Variants in MARCHF11 observed in about 807,000 individuals in gnomAD.
MARCHF11 encodes the protein membrane associated ring-CH-type finger 11.
Under a neutral mutation model 37.3 loss-of-function variants are expected in MARCHF11, and 29 were observed. The ratio of observed to expected loss-of-function variants is 0.78; its 90% CI spans 0.58 to 1.06. The LOEUF is 1.06. Among genes scored for constraint, MARCHF11 ranks in the 50% least tolerant of loss-of-function variants. The probability of loss-of-function intolerance (pLI) is 0.00; values close to 1 mark genes in which losing one functional copy is unlikely to be tolerated. For missense variants in MARCHF11, 482 were observed against 533.4 expected, an observed-to-expected ratio of 0.90 and a Z score of 0.95; for synonymous variants, 233 against 228.0, an observed-to-expected ratio of 1.02 and a Z score of -0.20.
At chr5:16,144,220 G>C (rs1385664090) in intron 2 of MARCHF11, among the ~76,000 whole-genome samples, 1 of 152,176 alleles carries the variant, frequency 6.6e-6, no homozygotes, top group East Asian at 1.9e-4. Flanking sequence ...TTATTTCTCA[G>C]AGAAACTCAG....
intron 3 of MARCHF11, among the ~76,000 whole-genome samples, chr5:16,076,830 G>A (rs370994908): frequency 8.5e-5 from 13 of 152,152 alleles, no homozygotes; most frequent in African/African-American, 2.9e-4. Context: ...CTCAGACATC[G>A]GGAGCCATCC....
At chr5:16,152,242 T>C (rs1737901574) in intron 2 of MARCHF11, among the ~76,000 whole-genome samples, 1 of 151,970 alleles carries the variant, frequency 6.6e-6, no homozygotes, top group South Asian at 2.1e-4. Flanking sequence ...AACCAGACAG[T>C]TTCTACCTGC....
At chr5:16,133,406 G>C (rs1465411575) in intron 2 of MARCHF11, among the ~76,000 whole-genome samples, 1 of 152,106 alleles carries the variant, frequency 6.6e-6, no homozygotes, top group Non-Finnish European at 1.5e-5. Context: ...AAATGCAAGA[G>C]ATCTCAGCTA....
intron 2 of MARCHF11, among the ~76,000 whole-genome samples, chr5:16,111,176 C>T (rs529879699): frequency 6.6e-6 from 1 of 152,218 alleles, no homozygotes; most frequent in African/African-American, 2.4e-5. Context: ...GAGTGGGGTG[C>T]TGCTGTAAAG....
chr5:16,086,563 T>C (rs1361196762), intron 3 of MARCHF11, among the ~76,000 whole-genome samples: 2 of 152,170 alleles, frequency 1.3e-5, no homozygotes, highest in Admixed American at 1.3e-4. Context: ...TAACTTGCGG[T>C]GTTGATTAGA....
intron 3 of MARCHF11, among the ~76,000 whole-genome samples, chr5:16,080,393 C>T (rs1736587455): frequency 6.6e-6 from 1 of 152,158 alleles, no homozygotes; most frequent in African/African-American, 2.4e-5. Context: ...ACTGCTGCTC[C>T]TCTCACCAAA....
chr5:16,139,431 T>C (rs1035279453), intron 2 of MARCHF11, among the ~76,000 whole-genome samples: 2 of 152,178 alleles, frequency 1.3e-5, no homozygotes, highest in Non-Finnish European at 2.9e-5. Flanking sequence ...TCTTTATAAA[T>C]TACCCAGTCT....
intron 2 of MARCHF11, among the ~76,000 whole-genome samples, chr5:16,172,772 A>G (rs1738292002): frequency 6.6e-6 from 1 of 152,186 alleles, no homozygotes; most frequent in African/African-American, 2.4e-5. Flanking sequence ...CCCATTTAGA[A>G]AAGTAATGAC....
intron 2 of MARCHF11, among the ~76,000 whole-genome samples, chr5:16,139,781 T>G (rs758884426): frequency 4.6e-5 from 7 of 152,098 alleles, no homozygotes; most frequent in Non-Finnish European, 1.0e-4. Context: ...ATCTCTTTCC[T>G]GACAAAGAAT....
intron 2 of MARCHF11, chr5:16,129,042 AC>A (rs1455072286): frequency 2.0e-5 from 3 of 152,152 alleles, no homozygotes; most frequent in Non-Finnish European, 4.4e-5. Context: ...AGTCCCACTA[AC>A]CCTTGATTAG....
chr5:16,133,194 G>C (rs1445642991), intron 2 of MARCHF11, among the ~76,000 whole-genome samples: 1 of 152,056 alleles, frequency 6.6e-6, no homozygotes, highest in Admixed American at 6.6e-5. Context: ...CTAAGAAGTA[G>C]AGTGTATTTC....
At chr5:16,137,644 A>G (rs917219681) in intron 2 of MARCHF11, among the ~76,000 whole-genome samples, 4 of 152,248 alleles carry the variant, frequency 2.6e-5, no homozygotes, top group Non-Finnish European at 1.5e-5. Context: ...AGGGCTCAGA[A>G]GAAGACGGGA....
chr5:16,161,644 A>C (rs1000532714), intron 2 of MARCHF11, among the ~76,000 whole-genome samples: 2 of 151,972 alleles, frequency 1.3e-5, no homozygotes, highest in African/African-American at 4.8e-5. Flanking sequence ...CCAGCATCTT[A>C]CCACACTGAT....
chr5:16,131,347 T>C (rs577000293), intron 2 of MARCHF11, among the ~76,000 whole-genome samples: 2 of 152,354 alleles, frequency 1.3e-5, no homozygotes, highest in Admixed American at 1.3e-4. Context: ...ACTAGTTTGT[T>C]ATCTGTAATT....
intron 2 of MARCHF11, among the ~76,000 whole-genome samples, chr5:16,145,184 C>A (rs1737778565): frequency 6.6e-6 from 1 of 152,160 alleles, no homozygotes; most frequent in Non-Finnish European, 1.5e-5. Flanking sequence ...GTGGAGAAAT[C>A]TGCCAAACAC....
At chr5:16,074,790 C>T (rs1039652685) in intron 3 of MARCHF11, among the ~76,000 whole-genome samples, 8 of 152,150 alleles carry the variant, frequency 5.3e-5, no homozygotes, top group Non-Finnish European at 1.2e-4. Context: ...TGATCCAACC[C>T]ACCCCCAAGT....
intron 3 of MARCHF11, among the ~76,000 whole-genome samples, chr5:16,084,326 A>T (rs1346911577): frequency 2.0e-5 from 3 of 152,208 alleles, no homozygotes; most frequent in African/African-American, 7.2e-5. Flanking sequence ...CAGATTTTTT[A>T]AAAGGCTATA....
chr5:16,100,259 G>A (rs187145871), intron 2 of MARCHF11, among the ~76,000 whole-genome samples: 69 of 152,272 alleles, frequency 4.5e-4, no homozygotes, highest in African/African-American at 1.5e-3. Context: ...CCTTCCTCGG[G>A]GTACAGGACT....
Position 16,067,350 on chromosome 5 carries a change from A to T in MARCHF11, c.*121T>A. The T allele has an allele frequency of 1.1e-6, 1 of 891,488 alleles. No individual in the cohort carries two copies. The highest frequency in any genetic ancestry group is 1.7e-6 in the Non-Finnish European group (1 of 587,264). The allele number at this position is 891,488 out of a possible 1,614,324, so 55.2% of individuals were successfully genotyped here. ...TATTTGCAATTCAAATGTTCATATA[A>T]AAAGCATAAATTTTAAAAAGTTCAT... On this transcript the variant is annotated 3_prime_UTR_variant, in exon 4 of 4. Coordinates refer to ENST00000332432, the MANE Select transcript of MARCHF11 (RefSeq NM_001102562.3).
Sources: allele counts gnomAD v4.1 joint callset (sites outside exome capture counted in the v4.1 genomes callset), GRCh38; gene constraint gnomAD v4.1.1; transcripts MANE v1.5; gene names NCBI Gene and HGNC (gene_info 2026-07-23, HGNC 2026-07-21).